The following GCSAML variants were observed in gnomAD, a reference collection of about 807,000 sequenced individuals.
The protein encoded by GCSAML is germinal center associated signaling and motility like.
A neutral mutation model predicts 13.0 loss-of-function variants in GCSAML; 9 were observed. The observed-to-expected ratio is 0.69, with a 90% CI of 0.42 to 1.21. The LOEUF is 1.21. GCSAML is among the 50% of genes most tolerant of loss of function. The pLI, the probability that GCSAML is intolerant of heterozygous loss-of-function variation, is 0.00. For missense variants in GCSAML, 143 were observed against 153.4 expected, an observed-to-expected ratio of 0.93 and a Z score of 0.36; for synonymous variants, 37 against 52.9, an observed-to-expected ratio of 0.70 and a Z score of 1.31.
chr1:247,521,358 C>CGG (rs1558235861), intron 1 of GCSAML, among the ~76,000 whole-genome samples: 3 of 88,764 alleles, frequency 3.4e-5, no homozygotes, highest in Non-Finnish European at 7.0e-5. Context: ...CTCCCTCTCC[C>CGG]TCTCCACGGT....
chr1:247,518,935 G>A (rs928259587), intron 1 of GCSAML, among the ~76,000 whole-genome samples: 4 of 152,080 alleles, frequency 2.6e-5, no homozygotes, highest in Non-Finnish European at 5.9e-5. Context: ...GCTTCAGTGA[G>A]CTCTAATCAC....
At chr1:247,522,272 T>C (rs182335185) in intron 1 of GCSAML, among the ~76,000 whole-genome samples, 29,268 of 89,804 alleles carry the variant, frequency 0.33, 5,658 homozygotes, top group East Asian at 0.6. Context: ...CCCACCCGGC[T>C]AGCCGCCCTG....
chr1:247,544,784 G>A (rs929923578), upstream of GCSAML, among the ~76,000 whole-genome samples: 1 of 152,160 alleles, frequency 6.6e-6, no homozygotes, highest in Non-Finnish European at 1.5e-5. Context: ...GAGCCTGGGA[G>A]GTTGAAGCTG....
At chr1:247,532,925 C>A (rs1667060101) in intron 2 of GCSAML, among the ~76,000 whole-genome samples, 1 of 152,118 alleles carries the variant, frequency 6.6e-6, no homozygotes, top group African/African-American at 2.4e-5. Flanking sequence ...AAATCCTTAG[C>A]ACTGCTTTTT....
chr1:247,561,069 T>G (rs1668110299), intron 2 of GCSAML, among the ~76,000 whole-genome samples: 1 of 152,132 alleles, frequency 6.6e-6, no homozygotes, highest in African/African-American at 2.4e-5. Context: ...TTCTCCCACC[T>G]CAGCCTCCCA....
At chr1:247,536,932 A>G (rs1040207874) in intron 2 of GCSAML, among the ~76,000 whole-genome samples, 5 of 152,198 alleles carry the variant, frequency 3.3e-5, no homozygotes, top group African/African-American at 1.2e-4. Flanking sequence ...TTTTCTTAAT[A>G]AGTTAAATTT....
intron 1 of GCSAML, among the ~76,000 whole-genome samples, chr1:247,517,497 G>T (rs1435181185): frequency 6.6e-6 from 1 of 152,328 alleles, no homozygotes; most frequent in East Asian, 1.9e-4. Context: ...ATTGTATCCA[G>T]TAGCAGAGAA....
intron 1 of GCSAML, among the ~76,000 whole-genome samples, chr1:247,520,947 T>C (rs1318377643): frequency 1.3e-5 from 2 of 152,244 alleles, no homozygotes; most frequent in African/African-American, 4.8e-5. Context: ...CACTGCTCTG[T>C]CTTATAGTTT....
chr1:247,566,720 G>GA (rs1668386065), intron 4 of GCSAML, among the ~76,000 whole-genome samples: 1 of 152,016 alleles, frequency 6.6e-6, no homozygotes, highest in Admixed American at 6.6e-5. Flanking sequence ...ATAACATATG[G>GA]AAAAAAGTTT....
At chr1:247,532,556 A>G in intron 2 of GCSAML, 2 of 1,563,330 alleles carry the variant, frequency 1.3e-6, no homozygotes, top group Non-Finnish European at 1.7e-6. Flanking sequence ...GGAAGAGCAC[A>G]GGGCATACAG....
At chr1:247,549,123 G>A, upstream of GCSAML, 1 of 1,613,954 alleles carries the variant, frequency 6.2e-7, no homozygotes, top group South Asian at 1.1e-5. Flanking sequence ...TTTCCTCTTG[G>A]TGCTTTGGTC....
intron 1 of GCSAML, among the ~76,000 whole-genome samples, chr1:247,521,159 T>A (rs1666403267): frequency 6.6e-6 from 1 of 151,776 alleles, no homozygotes; most frequent in Non-Finnish European, 1.5e-5. Context: ...TAGGCATCTT[T>A]CTAACCATCC....
In GCSAML at chr1:247,540,576, T is replaced by G. The variant is rs558767143; in HGVS notation, c.-147-8469T>G. Among the ~76,000 whole-genome samples the G allele has an allele frequency of 3.0e-4, 46 of 152,370 alleles. No individual in the cohort carries two copies. In the South Asian group the frequency reaches 9.1e-3, roughly 30 times the overall value. On this transcript the variant is annotated intron_variant, in intron 2 of 5. Transcript: ENST00000366489. ...AGGCAGTGGTGTCTACTTTGTTTCTTCTGCATCCCCAGTTTCCGAGCATGG... is the reference window on the plus strand; with the variant it reads ...AGGCAGTGGTGTCTACTTTGTTTCTGCTGCATCCCCAGTTTCCGAGCATGG...
At chr1:247,565,315 A>G (rs1176165) in intron 3 of GCSAML, among the ~76,000 whole-genome samples, 93,673 of 151,640 alleles carry the variant, frequency 0.62, 29,700 homozygotes, top group East Asian at 0.8. Context: ...CCGAGATAGC[A>G]CCATTGCACT....
At chr1:247,568,892 G>A (rs569273017) in intron 4 of GCSAML, among the ~76,000 whole-genome samples, 7 of 151,938 alleles carry the variant, frequency 4.6e-5, no homozygotes, top group Admixed American at 6.5e-5. Context: ...GGTGCTTTAC[G>A]TCCCTTGTAA....
intron 2 of GCSAML, among the ~76,000 whole-genome samples, chr1:247,543,428 C>G (rs1316704977): frequency 6.6e-6 from 1 of 152,062 alleles, no homozygotes; most frequent in African/African-American, 2.4e-5. Context: ...ATGAATTAAA[C>G]TTTATCATAA....
intron 2 of GCSAML, chr1:247,531,027 G>GT (rs1666924027): frequency 6.4e-6 from 1 of 155,408 alleles, no homozygotes. Context: ...CCGAGGTAGG[G>GT]TAGGAAGAGG....
chr1:247,521,113 A>AT (rs68098651), intron 1 of GCSAML, among the ~76,000 whole-genome samples: 1,387 of 136,872 alleles, frequency 0.01, 20 homozygotes, highest in African/African-American at 0.026. Context: ...ACATTCTTGC[A>AT]TTTTTTTTTT....
At chr1:247,542,244 G>A (rs1016956162) in intron 2 of GCSAML, among the ~76,000 whole-genome samples, 1 of 152,112 alleles carries the variant, frequency 6.6e-6, no homozygotes, top group African/African-American at 2.4e-5. Flanking sequence ...CCTGGGAATA[G>A]CCAGTTCATC....
Sources: gnomAD v4.1 joint callset for allele counts (sites outside exome capture counted in the v4.1 genomes callset) on GRCh38, gnomAD v4.1.1 for gene constraint, MANE v1.5 for transcripts, NCBI Gene and HGNC (gene_info 2026-07-23, HGNC 2026-07-21) for gene names.